The following PLD5 variants were observed in gnomAD, a reference collection of about 807,000 sequenced individuals.
PLD5 encodes the protein inactive phospholipase D5.
In PLD5, 36 loss-of-function variants were observed where a neutral mutation model predicts 61.1. The observed-to-expected ratio is 0.59, with a 90% CI of 0.45 to 0.78. PLD5 has a LOEUF of 0.78. Among genes scored for constraint, PLD5 ranks in the 30% least tolerant of loss-of-function variants. The probability of loss-of-function intolerance (pLI) is 0.00; values close to 1 mark genes in which losing one functional copy is unlikely to be tolerated. For missense variants in PLD5, 515 were observed against 644.4 expected, an observed-to-expected ratio of 0.80 and a Z score of 2.17; for synonymous variants, 243 against 242.8, an observed-to-expected ratio of 1.00 and a Z score of -0.01.
At chr1:242,430,684 C>CA (rs1260485326) in intron 1 of PLD5, among the ~76,000 whole-genome samples, 1 of 152,144 alleles carries the variant, frequency 6.6e-6, no homozygotes, top group African/African-American at 2.4e-5. Flanking sequence ...GCCCAGGACC[C>CA]AAAGCCCTCC....
rs1416607315 is a variant in PLD5, at chr1:242,084,118, C to T, written c.*5736G>A. On this transcript the variant is annotated 3_prime_UTR_variant, in exon 10 of 10. Coordinates refer to ENST00000536534, the MANE Select transcript of PLD5 (RefSeq NM_001372062.1). ...ATAAAAATAAATCACAAATAATCTT[C>T]ACCCTTACTATGATTTAATTGGACT... 6.6e-6 allele frequency: 1 copy of T among 152,148 alleles called. No homozygotes were observed. Among genetic ancestry groups the T allele is most frequent in the Non-Finnish European group, 1.5e-5 (1 of 68,030 alleles). 9.4% of individuals were successfully genotyped at this position (152,148 alleles called of 1,614,324 possible). A position where few individuals can be genotyped will look rare whatever the true frequency, so the allele number is the denominator to read the frequency against.
At chr1:242,262,726 G>A (rs1673443652) in intron 4 of PLD5, among the ~76,000 whole-genome samples, 1 of 152,136 alleles carries the variant, frequency 6.6e-6, no homozygotes, top group East Asian at 1.9e-4. Context: ...TTTCTAACAT[G>A]AGTGACTGAG....
Position 242,276,798 on chromosome 1 carries a change from A to T in PLD5, c.496-11350T>A, listed in dbSNP as rs1368123492. Among the ~76,000 whole-genome samples, 5 of 152,062 alleles carry T rather than the reference A, an allele frequency of 3.3e-5. 1 individual carries two copies. The South Asian group carries it at 1.0e-3, about 32-fold the overall frequency. Reference sequence around the variant, plus strand: ...AGTGGAGAGTATCTGGCGTGGAGGCATGCAGGCTGCCTGTCCATTCATCAT... The same window carrying T: ...AGTGGAGAGTATCTGGCGTGGAGGCTTGCAGGCTGCCTGTCCATTCATCAT... On this transcript the variant is annotated intron_variant, in intron 3 of 9. Coordinates refer to ENST00000536534, the MANE Select transcript of PLD5 (RefSeq NM_001372062.1).
chr1:242,424,352 G>A (rs1480040111), intron 1 of PLD5, among the ~76,000 whole-genome samples: 2 of 152,114 alleles, frequency 1.3e-5, no homozygotes, highest in African/African-American at 2.4e-5. Flanking sequence ...AAACTGAGCT[G>A]ATGCAATGAC....
chr1:242,153,409 A>G (rs1014993435), intron 5 of PLD5, among the ~76,000 whole-genome samples: 1 of 152,024 alleles, frequency 6.6e-6, no homozygotes, highest in Non-Finnish European at 1.5e-5. Context: ...GGTGTTTTAG[A>G]CATGAAGTCT....
intron 1 of PLD5, among the ~76,000 whole-genome samples, chr1:242,482,257 T>C (rs1667805141): frequency 6.6e-6 from 1 of 152,000 alleles, no homozygotes; most frequent in Non-Finnish European, 1.5e-5. Flanking sequence ...ATCAAACTAT[T>C]CCAACCTAAA....
upstream of PLD5, among the ~76,000 whole-genome samples, chr1:242,528,739 C>G (rs778639753): frequency 2.6e-5 from 4 of 152,272 alleles, no homozygotes; most frequent in Admixed American, 2.6e-4. Context: ...ATGACCTGCC[C>G]AAAGCCATGT....
At chr1:242,403,879 A>AGGTTC (rs1328409553) in intron 1 of PLD5, among the ~76,000 whole-genome samples, 3 of 151,840 alleles carry the variant, frequency 2.0e-5, no homozygotes, top group African/African-American at 7.3e-5. Flanking sequence ...GTGAGTTTGA[A>AGGTTC]CTAGATGAAC....
At chr1:242,502,976 A>G (rs903104890) in intron 1 of PLD5, among the ~76,000 whole-genome samples, 4 of 152,096 alleles carry the variant, frequency 2.6e-5, no homozygotes, top group African/African-American at 9.7e-5. Flanking sequence ...CAGGAGAATC[A>G]CTTAAACCCA....
intron 1 of PLD5, among the ~76,000 whole-genome samples, chr1:242,389,148 G>T (rs1434588203): frequency 2.6e-5 from 4 of 151,918 alleles, no homozygotes; most frequent in Admixed American, 6.6e-5. Flanking sequence ...GAGTCTGGAA[G>T]TAAGAAATTC....
At chr1:242,262,951 A>T (rs574570431) in intron 4 of PLD5, among the ~76,000 whole-genome samples, 306 of 152,152 alleles carry the variant, frequency 2.0e-3, no homozygotes, top group African/African-American at 7.2e-3. Flanking sequence ...GGGTGCAAGG[A>T]CTTCATGAGG....
At chr1:242,460,744 A>T (rs1273516785) in intron 1 of PLD5, among the ~76,000 whole-genome samples, 1 of 152,142 alleles carries the variant, frequency 6.6e-6, no homozygotes, top group Non-Finnish European at 1.5e-5. Flanking sequence ...AATATTTGGG[A>T]ATATAGTGCC....
In PLD5 at chr1:242,247,236, C is replaced by G. The variant is rs558250528; in HGVS notation, c.607+18101G>C. 1.9e-3 allele frequency among the ~76,000 whole-genome samples: 284 copies of G among 152,342 alleles called. 2 individuals carry two copies. The highest frequency in any genetic ancestry group is 4.1e-4 in the Non-Finnish European group (28 of 68,040). On this transcript the variant is annotated intron_variant, in intron 4 of 9. Coordinates refer to ENST00000536534, the MANE Select transcript of PLD5 (RefSeq NM_001372062.1). ...TGACCTCGTGATCCGCCCGCCTCGG[C>G]CTCCCAGAGTGCTGGGATTACAGGC...
intron 4 of PLD5, among the ~76,000 whole-genome samples, chr1:242,251,342 G>A (rs1224158055): frequency 2.0e-5 from 3 of 152,282 alleles, no homozygotes; most frequent in Non-Finnish European, 4.4e-5. Context: ...TTCAAAATTG[G>A]CAAAAGAGAC....
chr1:242,194,042 C>T (rs1271192925), intron 5 of PLD5, among the ~76,000 whole-genome samples: 3 of 152,142 alleles, frequency 2.0e-5, no homozygotes, highest in Non-Finnish European at 4.4e-5. Flanking sequence ...TTGACCCATC[C>T]GCAGTGAGTT....
intron 1 of PLD5, among the ~76,000 whole-genome samples, chr1:242,421,176 C>CAAAAA (rs5782234): frequency 1.5e-5 from 1 of 65,184 alleles, no homozygotes; most frequent in Admixed American, 1.9e-4. Flanking sequence ...GACTCCACCT[C>CAAAAA]AAAAAAAAAA....
chr1:242,404,174 G>A (rs148054517), intron 1 of PLD5, among the ~76,000 whole-genome samples: 276 of 152,300 alleles, frequency 1.8e-3, no homozygotes, highest in Admixed American at 3.5e-3. Context: ...TTTAACACAT[G>A]CCGAGTACCT....
chr1:242,202,214 A>G (rs1014984043), intron 5 of PLD5, among the ~76,000 whole-genome samples: 3 of 151,912 alleles, frequency 2.0e-5, no homozygotes, highest in Non-Finnish European at 2.9e-5. Context: ...CTCTGTATCC[A>G]AAAAACAAAA....
chr1:242,449,900 T>C (rs760983171), intron 1 of PLD5, among the ~76,000 whole-genome samples: 7 of 152,156 alleles, frequency 4.6e-5, no homozygotes, highest in Non-Finnish European at 7.3e-5. Context: ...AGCTCGGTCA[T>C]CGGTGGGTGT....
Sources: gnomAD v4.1 joint callset for allele counts (sites outside exome capture counted in the v4.1 genomes callset) on GRCh38, gnomAD v4.1.1 for gene constraint, MANE v1.5 for transcripts, NCBI Gene and HGNC (gene_info 2026-07-23, HGNC 2026-07-21) for gene names.